The following RHOBTB1 variants were observed in gnomAD, a reference collection of about 807,000 sequenced individuals.
RHOBTB1 encodes rho-related BTB domain-containing protein 1.
A neutral mutation model predicts 71.6 loss-of-function variants in RHOBTB1; 40 were observed. The observed-to-expected ratio is 0.56, with a 90% CI of 0.43 to 0.73. The LOEUF (loss-of-function observed/expected upper bound fraction) is 0.73. RHOBTB1 is among the 30% of genes least tolerant of loss of function. The probability of loss-of-function intolerance (pLI) is 0.00; values close to 1 mark genes in which losing one functional copy is unlikely to be tolerated. For synonymous variants in RHOBTB1, 319 were observed against 334.9 expected (o/e 0.95, Z 0.52); for missense variants, 797 against 894.0 (o/e 0.89, Z 1.38).
the RHOBTB1 span, among the ~76,000 whole-genome samples, chr10:60,863,112 C>T: frequency 6.6e-6 from 1 of 152,048 alleles, no homozygotes; most frequent in Non-Finnish European, 1.5e-5. Flanking sequence ...CTAGAATTGC[C>T]ATCCTGGCCT....
intron 4 of RHOBTB1, 101 bp from the exon 5 acceptor site, chr10:60,893,096 T>C (rs558551324): frequency 4.9e-6 from 4 of 822,528 alleles, no homozygotes; most frequent in Non-Finnish European, 7.5e-6. Flanking sequence ...TGCCATCTCA[T>C]GTCACAATTA....
chr10:60,984,318 T>TA (rs1361903458), intron 2 of RHOBTB1, among the ~76,000 whole-genome samples: 2 of 152,130 alleles, frequency 1.3e-5, no homozygotes, highest in Non-Finnish European at 2.9e-5. Flanking sequence ...AAATTTAAAC[T>TA]AAAAAAATAA....
chr10:60,877,705 C>A (rs538457747), intron 8 of RHOBTB1, among the ~76,000 whole-genome samples: 1 of 152,318 alleles, frequency 6.6e-6, no homozygotes, highest in Non-Finnish European at 1.5e-5. Flanking sequence ...ACAGGGCCCA[C>A]CACAGAGTGG....
intron 2 of RHOBTB1, among the ~76,000 whole-genome samples, chr10:60,981,663 T>A (rs2086499981): frequency 6.6e-6 from 1 of 152,208 alleles, no homozygotes; most frequent in South Asian, 2.1e-4. Context: ...TCTGAGCCAT[T>A]TGTCCAAATA....
intron 1 of RHOBTB1, among the ~76,000 whole-genome samples, chr10:60,997,922 G>A (rs2087113789): frequency 1.3e-5 from 2 of 152,316 alleles, no homozygotes; most frequent in East Asian, 1.9e-4. Context: ...AAAGAATGCT[G>A]TTTATAAGTC....
At chr10:60,901,829 A>G (rs2082426425) in intron 4 of RHOBTB1, among the ~76,000 whole-genome samples, 1 of 152,240 alleles carries the variant, frequency 6.6e-6, no homozygotes, top group African/African-American at 2.4e-5. Flanking sequence ...CAATGCATAT[A>G]TTCCTTATTC....
chr10:60,879,788 ATGCACT>A (rs2081227318), intron 7 of RHOBTB1, among the ~76,000 whole-genome samples: 1 of 152,102 alleles, frequency 6.6e-6, no homozygotes, highest in African/African-American at 2.4e-5. Context: ...CTCCATACAC[ATGCACT>A]TGCACACAAA....
chr10:60,887,520 C>T (rs1210037326), intron 6 of RHOBTB1, among the ~76,000 whole-genome samples: 2 of 152,162 alleles, frequency 1.3e-5, no homozygotes, highest in African/African-American at 4.8e-5. Context: ...TGGATGCGGG[C>T]CACCAGCATG....
chr10:60,875,090 G>T, intron 8 of RHOBTB1, 48 bp from the exon 9 acceptor site: 1 of 1,427,918 alleles, frequency 7.0e-7, no homozygotes, highest in Non-Finnish European at 9.9e-7. Flanking sequence ...CGCCCTGCGA[G>T]CCAGGTAGCT....
intron 2 of RHOBTB1, among the ~76,000 whole-genome samples, chr10:60,971,264 T>C (rs1219140565): frequency 6.6e-6 from 1 of 152,058 alleles, no homozygotes; most frequent in Non-Finnish European, 1.5e-5. Context: ...AGAACAAAGC[T>C]GGAGGCATCA....
chr10:60,957,434 G>A (rs949975600), intron 2 of RHOBTB1, among the ~76,000 whole-genome samples: 2 of 152,172 alleles, frequency 1.3e-5, no homozygotes, highest in African/African-American at 2.4e-5. Context: ...TGGGACCGCT[G>A]TCGTATGTGC....
intron 2 of RHOBTB1, among the ~76,000 whole-genome samples, chr10:60,978,687 C>A (rs937910026): frequency 6.6e-6 from 1 of 152,076 alleles, no homozygotes; most frequent in Non-Finnish European, 1.5e-5. Flanking sequence ...AAATGTCATT[C>A]GAGGGCACAA....
upstream of RHOBTB1, among the ~76,000 whole-genome samples, chr10:60,948,540 A>C (rs2085309549): frequency 6.6e-6 from 1 of 152,168 alleles, no homozygotes; most frequent in Non-Finnish European, 1.5e-5. Flanking sequence ...CTAAGAAGAG[A>C]GATTCATGCT....
At chr10:60,919,379 C>A (rs1452006061) in intron 2 of RHOBTB1, among the ~76,000 whole-genome samples, 1 of 152,118 alleles carries the variant, frequency 6.6e-6, no homozygotes, top group Non-Finnish European at 1.5e-5. Context: ...TAGCCAACAG[C>A]CAAGTTTCGA....
intron 1 of RHOBTB1, among the ~76,000 whole-genome samples, chr10:60,993,236 T>C (rs1330081157): frequency 6.6e-6 from 1 of 152,162 alleles, no homozygotes; most frequent in Admixed American, 6.5e-5. Context: ...GGTCTACTGC[T>C]GACAAAAATT....
chr10:60,915,177 A>C (rs2083205257), intron 2 of RHOBTB1, among the ~76,000 whole-genome samples: 3 of 152,238 alleles, frequency 2.0e-5, no homozygotes. Context: ...AAATTATGGT[A>C]GTAATTATAA....
chr10:60,938,261 A>C (rs1233216922), intron 2 of RHOBTB1, among the ~76,000 whole-genome samples: 1 of 152,208 alleles, frequency 6.6e-6, no homozygotes, highest in East Asian at 1.9e-4. Flanking sequence ...TTTCAGATGT[A>C]TATCATACTT....
downstream of RHOBTB1, among the ~76,000 whole-genome samples, chr10:60,866,267 G>T (rs2080635140): frequency 6.6e-6 from 1 of 152,212 alleles, no homozygotes; most frequent in African/African-American, 2.4e-5. Context: ...CCTATGGGAG[G>T]CTAGGCAGCC....
chr10:60,957,724 T>A (rs780524047), intron 2 of RHOBTB1, among the ~76,000 whole-genome samples: 5 of 152,224 alleles, frequency 3.3e-5, no homozygotes, highest in Non-Finnish European at 7.3e-5. Flanking sequence ...TCTGAATAAC[T>A]GAAAGAGATT....
Sources: gnomAD v4.1 joint callset for allele counts (sites outside exome capture counted in the v4.1 genomes callset) on GRCh38, gnomAD v4.1.1 for gene constraint, MANE v1.5 for transcripts, NCBI Gene and HGNC (gene_info 2026-07-23, HGNC 2026-07-21) for gene names.